Variants in PRAG1 observed in about 807,000 individuals in gnomAD.
PRAG1 encodes PEAK1 related, kinase-activating pseudokinase 1.
In PRAG1, 110 loss-of-function variants were observed where a neutral mutation model predicts 95.6. The observed-to-expected ratio is 1.15, with a 90% CI of 0.99 to 1.35. The LOEUF (loss-of-function observed/expected upper bound fraction) is 1.35, where lower values mean the gene tolerates loss of function less well. PRAG1 is among the 40% of genes most tolerant of loss of function. PRAG1 has a pLI of 0.00. For synonymous variants in PRAG1, 1,052 were observed against 819.4 expected (o/e 1.28, Z -4.85); for missense variants, 2,554 against 1,864.7 (o/e 1.37, Z -6.81).
At chr8:8,343,023 C>T (rs1799222382) in intron 3 of PRAG1, among the ~76,000 whole-genome samples, 1 of 151,992 alleles carries the variant, frequency 6.6e-6, no homozygotes, top group Non-Finnish European at 1.5e-5. Context: ...TAATAAAGTA[C>T]TGGTAGGCAG....
intron 1 of PRAG1, among the ~76,000 whole-genome samples, 182 bp downstream of exon 1, chr8:8,386,139 C>A (rs1800840665): frequency 1.3e-5 from 2 of 152,080 alleles, no homozygotes; most frequent in South Asian, 2.1e-4. Flanking sequence ...CCGGGCGCCT[C>A]CCTGCACCTC....
intron 3 of PRAG1, among the ~76,000 whole-genome samples, chr8:8,370,594 T>C (rs766113692): frequency 2.0e-5 from 3 of 152,254 alleles, no homozygotes; most frequent in Non-Finnish European, 1.5e-5. Context: ...TCATCCATTA[T>C]AGCAGAAAGG....
At chr8:8,381,327 T>C in intron 2 of PRAG1, 91 bp downstream of exon 2, 2 of 1,337,830 alleles carry the variant, frequency 1.5e-6, no homozygotes, top group Non-Finnish European at 2.1e-6. Context: ...GGTTTCTTGC[T>C]GGAACAGCCC....
chr8:8,367,932 C>T (rs1279552887), intron 3 of PRAG1, among the ~76,000 whole-genome samples: 1 of 152,174 alleles, frequency 6.6e-6, no homozygotes, highest in Non-Finnish European at 1.5e-5. Context: ...TGAGCCATCA[C>T]GCCTGGCCGT....
chr8:8,362,096 C>T (rs1330546439), intron 3 of PRAG1, among the ~76,000 whole-genome samples: 2 of 152,208 alleles, frequency 1.3e-5, no homozygotes, highest in Non-Finnish European at 2.9e-5. Context: ...TCCTCTTCCC[C>T]CACCCCTGGA....
intron 1 of PRAG1, 121 bp from the exon 2 acceptor site, chr8:8,381,955 C>T: frequency 4.0e-6 from 2 of 503,480 alleles, no homozygotes; most frequent in Non-Finnish European, 3.5e-6. Flanking sequence ...AGATTAGGAT[C>T]CCATTTATTT....
rs1367892331 is a variant in PRAG1, at chr8:8,319,091, A to C, written c.3284T>G (p.Val1095Gly). Residue 1095 changes from valine (V) to glycine (G), a missense_variant, in exon 6 of 6, where the codon GTG (valine) becomes GGG (glycine). Coordinates refer to ENST00000615670, the MANE Select transcript of PRAG1 (RefSeq NM_001080826.3). ...GAAGTCGGAGGCGGTCTGATGTGGC[A>C]CCTCTCGGGTGATGACCACCACGCA... is the stretch of plus-strand genomic sequence containing the variant. ...QDCVVVITRE[V>G]PHQTASDFVR... 1.2e-6 allele frequency: 2 copies of C among 1,609,898 alleles called. No individual in the cohort carries two copies. Among genetic ancestry groups the C allele is most frequent in the Admixed American group, 1.7e-5 (1 of 59,900 alleles).
intron 1 of PRAG1, among the ~76,000 whole-genome samples, chr8:8,384,964 T>A (rs1428983453): frequency 6.6e-6 from 1 of 152,178 alleles, no homozygotes; most frequent in Non-Finnish European, 1.5e-5. Context: ...TGGCTACAGT[T>A]TGCAAGACTG....
intron 3 of PRAG1, among the ~76,000 whole-genome samples, chr8:8,368,453 G>C (rs1800083097): frequency 6.6e-6 from 1 of 152,196 alleles, no homozygotes; most frequent in Non-Finnish European, 1.5e-5. Flanking sequence ...CAAGCACAGA[G>C]GATGCAGACT....
At position 8,318,243 on chromosome 8, in the gene PRAG1, C is replaced by T. The variant is rs1360131945; in HGVS notation, c.4132G>A (p.Glu1378Lys). 1.9e-6 allele frequency: 3 copies of T among 1,614,062 alleles called. No individual in the cohort carries two copies. Among genetic ancestry groups the T allele is most frequent in the Non-Finnish European group, 2.5e-6 (3 of 1,180,012 alleles). The change falls in exon 6 of 6, where the codon GAG becomes AAG. Residue 1378 changes from glutamate (E) to lysine (K), a missense_variant. By Grantham distance (56) the Glu-to-Lys change is moderately conservative. Transcript: ENST00000615670. This position sits in a 1 kb window ranked among gnomAD's most constrained non-coding sequence, Gnocchi z 4.2. ...TGGCAGCAAAGCCAGTCCTCCAGCT[C>T]CACGCCCCGCCTGCGATCCACCGCC... is the stretch of plus-strand genomic sequence containing the variant. The part of the protein sequence containing the change: ...EKAVDRRRGV[E>K]LEDWLCCQYL...
Position 8,377,003 on chromosome 8 carries a change from T to G in PRAG1, c.1406A>C (p.Gln469Pro). 6.2e-7 allele frequency: 1 copy of G among 1,613,806 alleles called. No homozygotes were observed. Among genetic ancestry groups the G allele is most frequent in the South Asian group, 1.1e-5 (1 of 91,082 alleles). ...WGRDSPDPTP[Q>P]VSATITVMAA... is the part of the protein sequence containing the mutation. ...CATGACTGTGATGGTGGCTGACACCTGGGGAGTTGGGTCTGGGCTGTCCCG... is the reference window on the plus strand; with the variant it reads ...CATGACTGTGATGGTGGCTGACACCGGGGGAGTTGGGTCTGGGCTGTCCCG... Residue 469 changes from glutamine to proline, a missense_variant, in exon 3 of 6, where the codon CAG (glutamine) becomes CCG (proline). Physicochemically the swap from Gln to Pro is moderately conservative, Grantham distance 76. Coordinates refer to ENST00000615670, the MANE Select transcript of PRAG1 (RefSeq NM_001080826.3).
At chr8:8,364,728 C>A (rs372236160) in intron 3 of PRAG1, among the ~76,000 whole-genome samples, 3 of 151,744 alleles carry the variant, frequency 2.0e-5, no homozygotes, top group Admixed American at 6.6e-5. Flanking sequence ...CGTAAGCAAT[C>A]TGTACTTTTC....
At chr8:8,357,069 T>C (rs565126546) in intron 3 of PRAG1, among the ~76,000 whole-genome samples, 1 of 152,184 alleles carries the variant, frequency 6.6e-6, no homozygotes, top group African/African-American at 2.4e-5. Context: ...GACCTAAAAC[T>C]ATAAAATTCC....
Position 8,318,781 on chromosome 8 carries a change from G to T in PRAG1, c.3594C>A (p.Pro1198=). The T allele has an allele frequency of 6.5e-7, 1 of 1,540,118 alleles. No homozygotes were observed. Among genetic ancestry groups the T allele is most frequent in the Non-Finnish European group, 8.8e-7 (1 of 1,142,324 alleles). Reference sequence around the variant, plus strand: ...TCTCCCGGGGCCCTTCCGGGGAGGCGGGGCCGGCTGCGGGGCTGAGAGTGC... The same window carrying T: ...TCTCCCGGGGCCCTTCCGGGGAGGCTGGGCCGGCTGCGGGGCTGAGAGTGC... ...AGGTLSPAAG[P]ASPEGPREKQ... Residue 1198 remains proline, a synonymous_variant, in exon 6 of 6, where the codon CCC becomes CCA. Coordinates refer to ENST00000615670, the MANE Select transcript of PRAG1 (RefSeq NM_001080826.3). This position sits in a 1 kb window ranked among gnomAD's most constrained non-coding sequence, Gnocchi z 4.2.
rs1390184350 is a variant in PRAG1, at chr8:8,328,342, G to A, written c.2440C>T (p.Pro814Ser). The change falls in exon 5 of 6, where the codon CCA becomes TCA. Residue 814 changes from proline (P) to serine (S), a missense_variant. Coordinates refer to ENST00000615670, the MANE Select transcript of PRAG1 (RefSeq NM_001080826.3). ...VSPSGPQQPP[P>S]LPQKKIVSRA... is the part of the protein sequence containing the mutation. ...CTCACTATCTTTTTCTGGGGGAGTG[G>A]AGGGGGCTGCTGGGGGCCACTGGGG... The A allele has an allele frequency of 3.7e-6, 6 of 1,613,492 alleles. No homozygotes were observed. The highest frequency in any genetic ancestry group is 5.1e-6 in the Non-Finnish European group (6 of 1,179,866).
chr8:8,376,540 C>G lies in PRAG1; in HGVS notation c.1869G>C (p.Gln623His), dbSNP rs765948130. 19 of 1,610,198 alleles carry G rather than the reference C, an allele frequency of 1.2e-5. No homozygotes were observed. The South Asian group carries it at 2.1e-4, about 18-fold the overall frequency. ...TGCCTGCCTGGAACCTGGGCCGCCTCTGTTCCGAGGCTGACGAGGCGGCAG... is the reference window on the plus strand; with the variant it reads ...TGCCTGCCTGGAACCTGGGCCGCCTGTGTTCCGAGGCTGACGAGGCGGCAG... ...PQPAASSASE[Q>H]RRPRFQAGTW... The change falls in exon 3 of 6, where the codon CAG becomes CAC. Residue 623 changes from glutamine (Q) to histidine (H), a missense_variant. Coordinates refer to ENST00000615670, the MANE Select transcript of PRAG1 (RefSeq NM_001080826.3).
intron 4 of PRAG1, among the ~76,000 whole-genome samples, chr8:8,332,602 G>A (rs1798854497): frequency 6.6e-6 from 1 of 152,066 alleles, no homozygotes; most frequent in Admixed American, 6.6e-5. Flanking sequence ...TGAGAGGTCA[G>A]AATTCACTCT....
intron 3 of PRAG1, among the ~76,000 whole-genome samples, chr8:8,371,460 C>T (rs908382438): frequency 2.0e-5 from 3 of 151,914 alleles, no homozygotes; most frequent in Non-Finnish European, 4.4e-5. Context: ...GGGGTTTCAC[C>T]GTGTTAGCCA....
At chr8:8,325,080 G>C (rs141928349) in intron 5 of PRAG1, among the ~76,000 whole-genome samples, 4 of 152,288 alleles carry the variant, frequency 2.6e-5, no homozygotes, top group African/African-American at 9.6e-5. Flanking sequence ...GATAAAATGC[G>C]CTCAGCCTCA....
Sources: gnomAD v4.1 joint callset for allele counts (sites outside exome capture counted in the v4.1 genomes callset) on GRCh38, gnomAD v4.1.1 for gene constraint, Gnocchi (gnomAD v3.1) non-coding constraint, MANE v1.5 for transcripts, NCBI Gene and HGNC (gene_info 2026-07-23, HGNC 2026-07-21) for gene names.